The following ZNF595 variants were observed in gnomAD, a reference collection of about 807,000 sequenced individuals.
ZNF595 encodes the protein zinc finger protein 595.
ZNF595 carries 9 observed loss-of-function variants against 19.4 expected under a neutral mutation model. The ratio of observed to expected loss-of-function variants is 0.46; its 90% CI spans 0.28 to 0.81. The LOEUF is 0.81. Among genes scored for constraint, ZNF595 ranks in the 30% least tolerant of loss-of-function variants. The pLI is 0.11. For synonymous variants in ZNF595, 255 were observed against 255.9 expected, an observed-to-expected ratio of 1.00 and a Z score of 0.03; for missense variants, 729 against 736.0, an observed-to-expected ratio of 0.99 and a Z score of 0.11.
intron 3 of ZNF595, among the ~76,000 whole-genome samples, chr4:80,747 C>G (rs1713872484): frequency 6.6e-6 from 1 of 150,700 alleles, no homozygotes; most frequent in Non-Finnish European, 1.5e-5. Flanking sequence ...AGGCAGGAAG[C>G]AGCCATTTTC....
chr4:84,036 A>G (rs1005711252), intron 3 of ZNF595, among the ~76,000 whole-genome samples: 8 of 152,142 alleles, frequency 5.3e-5, no homozygotes, highest in South Asian at 2.1e-4. Context: ...TGGAAATTAC[A>G]TAAAATTTCT....
At chr4:78,158 G>A (rs1228837377) in intron 3 of ZNF595, among the ~76,000 whole-genome samples, 6 of 152,072 alleles carry the variant, frequency 3.9e-5, no homozygotes, top group Non-Finnish European at 8.8e-5. Context: ...ACAGGCGTCC[G>A]CGGCCACGTC....
intron 3 of ZNF595, among the ~76,000 whole-genome samples, chr4:82,258 A>C (rs1466276049): frequency 1.3e-5 from 2 of 152,110 alleles, no homozygotes; most frequent in African/African-American, 4.8e-5. Flanking sequence ...GATTGCATTT[A>C]ATCTGTAGAT....
chr4:83,476 C>T (rs1328941876), intron 3 of ZNF595, among the ~76,000 whole-genome samples: 10 of 151,552 alleles, frequency 6.6e-5, no homozygotes, highest in African/African-American at 1.7e-4. Context: ...CAAAATTAGC[C>T]GGGCGTGGTG....
intron 3 of ZNF595, among the ~76,000 whole-genome samples, chr4:78,516 A>G (rs1713768353): frequency 6.6e-6 from 1 of 152,230 alleles, no homozygotes; most frequent in African/African-American, 2.4e-5. Flanking sequence ...TAAATTATTT[A>G]TTCACTTGAG....
At position 86,996 on chromosome 4, in the gene ZNF595, C is replaced by A. The variant is rs200499473; in HGVS notation, c.1492C>A (p.His498Asn). Residue 498 changes from histidine to asparagine, a missense_variant, in exon 4 of 4, where the codon CAT (histidine) becomes AAT (asparagine). By Grantham distance (68) the His-to-Asn change is moderately conservative. Transcript: ENST00000610261. The stretch of plus-strand genomic sequence containing the variant: ...CATATGGTCCGCAAGCCTGAATGAA[C>A]ATAAGAATATTCATACTGGAGAGAA... ...AFIWSASLNE[H>N]KNIHTGEKPY... 1,939 of 1,613,952 alleles carry A rather than the reference C, an allele frequency of 1.2e-3. 3 individuals are homozygous for A. Among genetic ancestry groups the A allele is most frequent in the Middle Eastern group, 4.3e-3 (26 of 6,062 alleles).
Position 86,493 on chromosome 4 carries a change from A to G in ZNF595, c.989A>G (p.His330Arg), listed in dbSNP as rs1553801576. 6.8e-6 allele frequency: 11 copies of G among 1,614,112 alleles called. No homozygotes were observed. The highest frequency in any genetic ancestry group is 3.3e-5 in the Admixed American group (2 of 60,024). The change falls in exon 4 of 4, where the codon CAT (histidine) becomes CGT (arginine). Residue 330 changes from histidine (H) to arginine (R), a missense_variant. By Grantham distance (29) the His-to-Arg change is conservative. Transcript: ENST00000610261. Reference sequence around the variant, plus strand: ...AGACAGTCCAGGAGCCTGAATGAACATAAAAATATTCATACTGGCGAAAAA... The same window carrying G: ...AGACAGTCCAGGAGCCTGAATGAACGTAAAAATATTCATACTGGCGAAAAA... ...AFRQSRSLNEHKNIHTGEKPY... is the reference protein window; with the variant it reads ...AFRQSRSLNERKNIHTGEKPY...
At chr4:71,968 G>A (rs1483982245) in intron 3 of ZNF595, among the ~76,000 whole-genome samples, 1 of 152,138 alleles carries the variant, frequency 6.6e-6, no homozygotes, top group Non-Finnish European at 1.5e-5. Context: ...CCCTTGGGAG[G>A]GTGGTCATTG....
At chr4:64,387 TAAC>T (rs1712995742) in intron 3 of ZNF595, among the ~76,000 whole-genome samples, 1 of 152,290 alleles carries the variant, frequency 6.6e-6, no homozygotes. Flanking sequence ...TTCCATATAG[TAAC>T]AACAAACTTT....
chr4:77,824 G>A (rs1214387599), intron 3 of ZNF595, among the ~76,000 whole-genome samples: 2 of 152,070 alleles, frequency 1.3e-5, no homozygotes, highest in South Asian at 2.1e-4. Context: ...ATATAAATGT[G>A]AGCAGGTGTG....
At chr4:76,399 A>G (rs1553798732) in intron 3 of ZNF595, among the ~76,000 whole-genome samples, 1 of 152,106 alleles carries the variant, frequency 6.6e-6, no homozygotes, top group Non-Finnish European at 1.5e-5. Flanking sequence ...TATATTGTAT[A>G]CCCATTAACA....
intron 3 of ZNF595, among the ~76,000 whole-genome samples, chr4:79,688 T>C (rs1378065730): frequency 1.3e-5 from 2 of 149,244 alleles, no homozygotes; most frequent in Non-Finnish European, 3.0e-5. Flanking sequence ...TTTTTTTTTT[T>C]TCTTTTCTTT....
chr4:83,619 C>CAAAAAAAA (rs71164492), intron 3 of ZNF595, among the ~76,000 whole-genome samples: 196 of 37,590 alleles, frequency 5.2e-3, no homozygotes, highest in East Asian at 0.011. Context: ...GACTCCGTCT[C>CAAAAAAAA]AAAAAAAAAA....
rs782769942 is a variant in ZNF595 at position 86,653 on chromosome 4, T to A, written c.1149T>A (p.Leu383=). 30 of 1,603,794 alleles carry A rather than the reference T, an allele frequency of 1.9e-5. No individual in the cohort carries two copies. Among genetic ancestry groups the A allele is most frequent in the Non-Finnish European group, 2.5e-5 (30 of 1,176,546 alleles). ...CGKAFTWSSS[L]NKHKRIHTGE... ...AAGCCTTTACTTGGTCCTCATCCCT[T>A]AATAAACATAAGAGAATTCATACTG... is the stretch of plus-strand genomic sequence containing the variant. Residue 383 remains leucine, a synonymous_variant, in exon 4 of 4, where the codon CTT becomes CTA. Transcript: ENST00000610261.
At position 79,685 on chromosome 4, in the gene ZNF595, TTTTTC is replaced by T. The variant is rs1297462901; in HGVS notation, c.227-6036_227-6032del. ...ATCTCCAGCTTTGTTGTTTTTTTTT[TTTTTC>T]TTTTCTTTTGCTCAGGATTACTTTG... On this transcript the variant is annotated intron_variant, in intron 3 of 3. Coordinates refer to ENST00000610261, the MANE Select transcript of ZNF595 (RefSeq NM_182524.4). Among the ~76,000 whole-genome samples the T allele has an allele frequency of 3.3e-3, 499 of 151,754 alleles. 1 individual carries two copies. The highest frequency in any genetic ancestry group is 0.011 in the African/African-American group (464 of 41,406).
chr4:87,243 C>T lies in ZNF595; in HGVS notation c.1739C>T (p.Thr580Ile), dbSNP rs782783861. The T allele has an allele frequency of 6.3e-7, 1 of 1,593,430 alleles. No individual in the cohort carries two copies. Among genetic ancestry groups the T allele is most frequent in the South Asian group, 1.1e-5 (1 of 90,130 alleles). Residue 580 changes from threonine (T) to isoleucine (I), a missense_variant, in exon 4 of 4, where the codon ACT becomes ATT. By Grantham distance (89) the Thr-to-Ile change is moderately conservative. Coordinates refer to ENST00000610261, the MANE Select transcript of ZNF595 (RefSeq NM_182524.4). ...GCCTATAACTTATCCTCAACCCTTA[C>T]TAAACATAAGAGAATTCATACTGGA... ...GKAYNLSSTL[T>I]KHKRIHTGEK...
chr4:71,336 G>C (rs1261539966), intron 3 of ZNF595, among the ~76,000 whole-genome samples: 1 of 151,778 alleles, frequency 6.6e-6, no homozygotes, highest in Non-Finnish European at 1.5e-5. Flanking sequence ...TTGTCAAATT[G>C]TTCTGGCTGG....
At chr4:66,311 T>C (rs1207012482) in intron 3 of ZNF595, among the ~76,000 whole-genome samples, 2 of 151,066 alleles carry the variant, frequency 1.3e-5, no homozygotes, top group Non-Finnish European at 2.9e-5. Context: ...TCATCTCTTG[T>C]CTATTAGTCA....
At chr4:79,208 G>T (rs1451208256) in intron 3 of ZNF595, among the ~76,000 whole-genome samples, 3 of 151,710 alleles carry the variant, frequency 2.0e-5, no homozygotes, top group African/African-American at 7.3e-5. Context: ...GTCTGTTTCT[G>T]TTTGACTCTC....
Sources: allele counts gnomAD v4.1 joint callset (sites outside exome capture counted in the v4.1 genomes callset), GRCh38; gene constraint gnomAD v4.1.1; transcripts MANE v1.5; gene names NCBI Gene and HGNC (gene_info 2026-07-23, HGNC 2026-07-21).